The following PDS5B variants were observed in gnomAD, a reference collection of about 807,000 sequenced individuals.
The protein encoded by PDS5B is PDS5 cohesin associated factor B, also known as sister chromatid cohesion protein PDS5 homolog B.
PDS5B carries 51 observed loss-of-function variants against 184.1 expected under a neutral mutation model. The ratio of observed to expected loss-of-function variants is 0.28; its 90% confidence interval spans 0.22 to 0.35. The LOEUF (loss-of-function observed/expected upper bound fraction) is 0.35, where lower values mean the gene tolerates loss of function less well. Ranked by LOEUF, PDS5B falls within the 10% of genes least tolerant of loss-of-function variation. PDS5B has a pLI of 1.00. For synonymous variants in PDS5B, 566 were observed against 569.2 expected (o/e 0.99, Z 0.08); for missense variants, 1,180 against 1,723.3 (o/e 0.68, Z 5.58).
intron 1 of PDS5B, among the ~76,000 whole-genome samples, chr13:32,648,042 G>A (rs1016514372): frequency 1.6e-4 from 24 of 152,216 alleles, no homozygotes; most frequent in Non-Finnish European, 2.8e-4. Flanking sequence ...GCCCCAGCAA[G>A]TGTGCAGGCC....
intron 7 of PDS5B, 97 bp from the exon 8 acceptor site, chr13:32,673,119 G>A (rs140102663): frequency 1.9e-6 from 2 of 1,073,518 alleles, no homozygotes; most frequent in East Asian, 2.4e-5. Context: ...GTTTGACTTT[G>A]TATAAAATAA....
At chr13:32,607,020 G>A (rs950940828) in intron 1 of PDS5B, among the ~76,000 whole-genome samples, 3 of 151,986 alleles carry the variant, frequency 2.0e-5, no homozygotes, top group Admixed American at 2.0e-4. Flanking sequence ...ATCCGGAGAA[G>A]TTTGTTATTA....
intron 31 of PDS5B, among the ~76,000 whole-genome samples, chr13:32,766,200 G>T (rs1954581918): frequency 6.6e-6 from 1 of 152,134 alleles, no homozygotes; most frequent in Non-Finnish European, 1.5e-5. Context: ...AGTCAACTAG[G>T]TCACTCATAC....
At chr13:32,669,479 G>A (rs980720257) in intron 7 of PDS5B, among the ~76,000 whole-genome samples, 2 of 151,952 alleles carry the variant, frequency 1.3e-5, no homozygotes, top group Non-Finnish European at 2.9e-5. Context: ...GATTAGGTTC[G>A]TTATACTGTT....
intron 19 of PDS5B, among the ~76,000 whole-genome samples, chr13:32,721,791 A>C (rs1008314737): frequency 9.3e-5 from 14 of 151,040 alleles, no homozygotes; most frequent in African/African-American, 3.4e-4. Flanking sequence ...CTCACATCCC[A>C]GACAATGGGC....
intron 25 of PDS5B, 36 bp from the exon 26 acceptor site, chr13:32,755,801 CTTTTG>C: frequency 1.0e-6 from 1 of 999,026 alleles, no homozygotes; most frequent in Non-Finnish European, 1.5e-6. Context: ...TTTGCTTTTT[CTTTTG>C]TTTTTTTTTG....
Position 32,764,515 on chromosome 13 carries a change from G to A in PDS5B, c.3545G>A (p.Ser1182Asn). 1 of 1,601,886 alleles carries A rather than the reference G, an allele frequency of 6.2e-7. No individual in the cohort carries two copies. Among genetic ancestry groups the A allele is most frequent in the Non-Finnish European group, 8.5e-7 (1 of 1,173,538 alleles). The change falls in exon 31 of 35, where the codon AGT (serine) becomes AAT (asparagine). Residue 1182 changes from serine to asparagine, a missense_variant. Transcript: ENST00000315596. ...GRLDSSEMDH[S>N]ENEDYTMSSP... ...CTTGATAGTTCTGAAATGGATCACA[G>A]TGAAAATGAAGATTACACAATGTCT...
intron 1 of PDS5B, among the ~76,000 whole-genome samples, chr13:32,634,804 AACTCCTG>A (rs1332733550): frequency 6.6e-6 from 1 of 152,072 alleles, no homozygotes; most frequent in Non-Finnish European, 1.5e-5. Flanking sequence ...ACTGGTCTCT[AACTCCTG>A]ACCTTGTGAT....
intron 17 of PDS5B, 43 bp downstream of exon 17, chr13:32,701,481 A>G (rs753400954): frequency 4.2e-6 from 5 of 1,183,298 alleles, no homozygotes; most frequent in Non-Finnish European, 6.2e-6. Flanking sequence ...CTGTTCATTA[A>G]TGTGTACATT....
chr13:32,667,677 T>C, intron 6 of PDS5B, 87 bp from the exon 7 acceptor site: 1 of 755,732 alleles, frequency 1.3e-6, no homozygotes, highest in East Asian at 3.1e-5. Context: ...TTTTCATTCA[T>C]TTACTCAAGT....
At chr13:32,650,302 AG>A (rs1950337009) in intron 2 of PDS5B, 2 of 152,318 alleles carry the variant, frequency 1.3e-5, no homozygotes, top group East Asian at 3.8e-4. Flanking sequence ...ATTTATGTCT[AG>A]CAGTAATCCA....
intron 1 of PDS5B, among the ~76,000 whole-genome samples, chr13:32,647,796 G>A (rs1950265956): frequency 6.6e-6 from 1 of 152,084 alleles, no homozygotes; most frequent in South Asian, 2.1e-4. Context: ...AATTGTGTCT[G>A]TTTTTGTTGT....
At chr13:32,606,690 A>G (rs1268131229) in intron 1 of PDS5B, among the ~76,000 whole-genome samples, 3 of 152,202 alleles carry the variant, frequency 2.0e-5, no homozygotes, top group African/African-American at 7.2e-5. Flanking sequence ...GCTGCCTGTC[A>G]CTTTCAGGTA....
intron 1 of PDS5B, among the ~76,000 whole-genome samples, chr13:32,635,886 A>G (rs1434611535): frequency 6.7e-6 from 1 of 149,170 alleles, no homozygotes; most frequent in Non-Finnish European, 1.5e-5. Flanking sequence ...CTCCTGCCTC[A>G]GCCTCCCGAG....
At chr13:32,757,014 A>G (rs1287472404) in intron 26 of PDS5B, among the ~76,000 whole-genome samples, 2 of 151,916 alleles carry the variant, frequency 1.3e-5, no homozygotes, top group Admixed American at 6.6e-5. Flanking sequence ...AGTCCCAGCT[A>G]CTTGGGAGGC....
chr13:32,697,711 A>G (rs1951746333), intron 15 of PDS5B, among the ~76,000 whole-genome samples: 1 of 152,146 alleles, frequency 6.6e-6, no homozygotes, highest in Non-Finnish European at 1.5e-5. Context: ...TTTACAAAAA[A>G]ATTAATTTGA....
chr13:32,631,488 A>G (rs534877804), intron 1 of PDS5B, among the ~76,000 whole-genome samples: 190 of 152,342 alleles, frequency 1.2e-3, no homozygotes, highest in Non-Finnish European at 2.4e-3. Context: ...CACGAGAACA[A>G]TAATCTTTGG....
chr13:32,656,280 T>TC (rs1409339885), intron 3 of PDS5B, among the ~76,000 whole-genome samples: 1 of 148,544 alleles, frequency 6.7e-6, no homozygotes, highest in African/African-American at 2.5e-5. Context: ...CTTCTTTTTT[T>TC]TTTTTTTTTT....
chr13:32,655,483 A>G (rs1950491087), intron 3 of PDS5B, among the ~76,000 whole-genome samples: 1 of 145,108 alleles, frequency 6.9e-6, no homozygotes, highest in African/African-American at 2.6e-5. Flanking sequence ...GGTTCATGTG[A>G]TTCTCCTCCC....
Sources: allele counts gnomAD v4.1 joint callset (sites outside exome capture counted in the v4.1 genomes callset), GRCh38; gene constraint gnomAD v4.1.1; transcripts MANE v1.5; gene names NCBI Gene and HGNC (gene_info 2026-07-23, HGNC 2026-07-21).